The following ACSM2B variants were observed in gnomAD, a reference collection of about 807,000 sequenced individuals.
The protein encoded by ACSM2B is acyl-CoA synthetase medium chain family member 2B, also known as acyl-coenzyme A synthetase ACSM2B, mitochondrial.
In ACSM2B, 58 loss-of-function variants were observed where a neutral mutation model predicts 78.6. The observed-to-expected ratio is 0.74, with a 90% CI of 0.60 to 0.92. The LOEUF (loss-of-function observed/expected upper bound fraction) is 0.92. Among genes scored for constraint, ACSM2B ranks in the 40% least tolerant of loss-of-function variants. The probability of loss-of-function intolerance (pLI) is 0.00; values close to 1 mark genes in which losing one functional copy is unlikely to be tolerated. For synonymous variants in ACSM2B, 257 were observed against 256.8 expected (o/e 1.00, Z -0.01); for missense variants, 688 against 711.2 (o/e 0.97, Z 0.37).
intron 11 of ACSM2B, 43 bp downstream of exon 11, chr16:20,543,092 T>C: frequency 6.2e-7 from 1 of 1,613,392 alleles, no homozygotes; most frequent in Non-Finnish European, 8.5e-7. Context: ...CCAGCCAGAG[T>C]AAAGACCCAG....
At chr16:20,560,546 G>C (rs542455591) in intron 2 of ACSM2B, among the ~76,000 whole-genome samples, 4 of 152,126 alleles carry the variant, frequency 2.6e-5, no homozygotes, top group African/African-American at 9.6e-5. Flanking sequence ...CACACTTCCT[G>C]TACACTGTGC....
intron 4 of ACSM2B, 69 bp from the exon 5 acceptor site, chr16:20,553,989 T>A: frequency 1.2e-6 from 2 of 1,604,882 alleles, no homozygotes; most frequent in Non-Finnish European, 1.7e-6. Flanking sequence ...TGACCCATCT[T>A]TTCCCACCAC....
At chr16:20,566,649 ACTATATATATGTATATATAG>A (rs2015862707) in intron 1 of ACSM2B, among the ~76,000 whole-genome samples, 4 of 48,354 alleles carry the variant, frequency 8.3e-5, no homozygotes, top group East Asian at 2.3e-3. Context: ...TATATACTAT[ACTATATATATGTATATATAG>A]TATATACATA....
At chr16:20,553,424 A>G (rs1381429196) in intron 5 of ACSM2B, among the ~76,000 whole-genome samples, 1 of 152,178 alleles carries the variant, frequency 6.6e-6, no homozygotes, top group Non-Finnish European at 1.5e-5. Context: ...GCCGACAAAA[A>G]CTGCCCTCTT....
At chr16:20,546,530 A>G (rs2015147839) in intron 8 of ACSM2B, 56 bp from the exon 9 acceptor site, 2 of 1,570,162 alleles carry the variant, frequency 1.3e-6, no homozygotes, top group East Asian at 4.5e-5. Flanking sequence ...AAGGTCACAG[A>G]AAAAGAAAAA....
chr16:20,555,810 AAC>A lies in ACSM2B; in HGVS notation c.389-336_389-335del, dbSNP rs2015457024. Among the ~76,000 whole-genome samples, 5 of 152,172 alleles carry A rather than the reference AAC, an allele frequency of 3.3e-5. No individual in the cohort carries two copies. In the South Asian group the frequency reaches 1.0e-3, roughly 32 times the overall value. On this transcript the variant is annotated intron_variant, in intron 3 of 13. Transcript: ENST00000329697. ...TTCTACAGGAGTTCGCTGTATTCAA[AAC>A]TCTCATATGATAATTAAAGAATCAT...
chr16:20,540,540 G>T (rs1176628158), intron 13 of ACSM2B, 114 bp downstream of exon 13: 4 of 1,513,844 alleles, frequency 2.6e-6, no homozygotes, highest in Non-Finnish European at 3.6e-6. Flanking sequence ...ACCATGTCCG[G>T]CCCAGGAAGA....
chr16:20,563,178 T>C (rs1333271167), intron 2 of ACSM2B, among the ~76,000 whole-genome samples: 1 of 152,200 alleles, frequency 6.6e-6, no homozygotes, highest in East Asian at 1.9e-4. Flanking sequence ...CTTTTGTATT[T>C]GACTAACAAG....
intron 10 of ACSM2B, among the ~76,000 whole-genome samples, chr16:20,543,631 G>A (rs1401224155): frequency 1.3e-5 from 2 of 152,100 alleles, no homozygotes; most frequent in African/African-American, 4.8e-5. Flanking sequence ...TTTTGATTAG[G>A]TACTTTTCTT....
At chr16:20,567,773 T>C (rs1407894325) in intron 1 of ACSM2B, among the ~76,000 whole-genome samples, 1 of 140,402 alleles carries the variant, frequency 7.1e-6, no homozygotes, top group Non-Finnish European at 1.5e-5. Context: ...TATACAGATA[T>C]ATATAATATA....
chr16:20,546,624 C>A, intron 8 of ACSM2B, 150 bp from the exon 9 acceptor site: 2 of 1,306,574 alleles, frequency 1.5e-6, no homozygotes, highest in South Asian at 4.3e-5. Flanking sequence ...CTGGCTCTCT[C>A]CCCATTACTG....
At chr16:20,539,140 A>T (rs544007406) in intron 13 of ACSM2B, among the ~76,000 whole-genome samples, 18 of 148,224 alleles carry the variant, frequency 1.2e-4, no homozygotes, top group African/African-American at 4.2e-4. Flanking sequence ...GTTCCCATTG[A>T]GACTAAGTCA....
intron 1 of ACSM2B, among the ~76,000 whole-genome samples, chr16:20,570,622 G>A (rs1360017286): frequency 2.0e-5 from 3 of 151,612 alleles, no homozygotes; most frequent in Admixed American, 6.6e-5. Context: ...GAATAGCGTC[G>A]ATAGGATTGG....
intron 1 of ACSM2B, among the ~76,000 whole-genome samples, chr16:20,566,256 T>TATAC (rs1341597191): frequency 4.9e-5 from 4 of 81,050 alleles, no homozygotes; most frequent in African/African-American, 1.5e-4. Flanking sequence ...ATTATATATA[T>TATAC]ATATATATAT....
At chr16:20,563,496 ATTTACT>A (rs1401010634) in intron 2 of ACSM2B, among the ~76,000 whole-genome samples, 4 of 152,058 alleles carry the variant, frequency 2.6e-5, no homozygotes, top group Admixed American at 1.3e-4. Flanking sequence ...TATATAGCAA[ATTTACT>A]TTTATGGATT....
intron 1 of ACSM2B, 70 bp from the exon 2 acceptor site, chr16:20,564,923 C>G: frequency 6.6e-7 from 1 of 1,521,078 alleles, no homozygotes; most frequent in South Asian, 1.3e-5. Context: ...TCAGCGGCTT[C>G]AGGAGATTCA....
intron 10 of ACSM2B, 57 bp from the exon 11 acceptor site, chr16:20,543,319 TG>T: frequency 6.2e-7 from 1 of 1,611,946 alleles, no homozygotes; most frequent in Non-Finnish European, 8.5e-7. Context: ...TCCCCTGCCC[TG>T]GGGCTGCCAT....
intron 1 of ACSM2B, 145 bp from the exon 2 acceptor site, chr16:20,564,998 G>A: frequency 5.0e-6 from 6 of 1,194,732 alleles, no homozygotes; most frequent in Non-Finnish European, 4.5e-6. Context: ...TTGGCACTCT[G>A]CATCTGTTTC....
chr16:20,571,370 A>G (rs1180267866), intron 1 of ACSM2B, among the ~76,000 whole-genome samples: 2 of 151,740 alleles, frequency 1.3e-5, no homozygotes, highest in African/African-American at 2.4e-5. Flanking sequence ...CCATGTATTC[A>G]TGTGATTTTG....
Sources: allele counts gnomAD v4.1 joint callset (sites outside exome capture counted in the v4.1 genomes callset), GRCh38; gene constraint gnomAD v4.1.1; transcripts MANE v1.5; gene names NCBI Gene and HGNC (gene_info 2026-07-23, HGNC 2026-07-21).